ADAMTSL3: variants seen among roughly 807,000 people sequenced by gnomAD.
ADAMTSL3 encodes ADAMTS like 3.
A neutral mutation model predicts 201.7 loss-of-function variants in ADAMTSL3; 128 were observed. The ratio of observed to expected loss-of-function variants is 0.63; its 90% CI spans 0.55 to 0.73. The LOEUF (loss-of-function observed/expected upper bound fraction) is 0.73, where lower values mean the gene tolerates loss of function less well. Ranked by LOEUF, ADAMTSL3 falls within the 30% of genes least tolerant of loss-of-function variation. The pLI is 0.00. For missense variants in ADAMTSL3, 1,990 were observed against 2,119.6 expected (o/e 0.94, Z 1.20); for synonymous variants, 738 against 748.4 (o/e 0.99, Z 0.23).
At chr15:83,801,265 A>G (rs918753414) in intron 4 of ADAMTSL3, among the ~76,000 whole-genome samples, 3 of 152,134 alleles carry the variant, frequency 2.0e-5, no homozygotes, top group East Asian at 1.9e-4. Flanking sequence ...CGATTTAACT[A>G]CAAATTAGGT....
intron 2 of ADAMTSL3, among the ~76,000 whole-genome samples, chr15:83,701,555 G>A (rs73454603): frequency 0.065 from 9,971 of 152,256 alleles, 1,074 homozygotes; most frequent in African/African-American, 0.22. Flanking sequence ...GGAGAGACCC[G>A]GTGGGAGATA....
At chr15:83,699,326 T>C (rs2061734277) in intron 2 of ADAMTSL3, among the ~76,000 whole-genome samples, 1 of 152,136 alleles carries the variant, frequency 6.6e-6, no homozygotes, top group Non-Finnish European at 1.5e-5. Flanking sequence ...CTCAGGGCTA[T>C]CCATCCATTA....
chr15:83,844,236 C>A (rs903352774), intron 7 of ADAMTSL3, among the ~76,000 whole-genome samples: 3 of 152,150 alleles, frequency 2.0e-5, no homozygotes, highest in African/African-American at 7.2e-5. Flanking sequence ...CAAGTTTTGG[C>A]AGTATGAAGA....
At chr15:83,675,541 G>T (rs538769443) in intron 2 of ADAMTSL3, among the ~76,000 whole-genome samples, 1 of 148,818 alleles carries the variant, frequency 6.7e-6, no homozygotes, top group East Asian at 2.0e-4. Context: ...ATTTTGTTGA[G>T]AATTTTTGCA....
chr15:83,771,888 G>A (rs1167400832), intron 3 of ADAMTSL3, among the ~76,000 whole-genome samples: 4 of 147,932 alleles, frequency 2.7e-5, no homozygotes, highest in Admixed American at 6.8e-5. Context: ...ACAGAATCTC[G>A]CTCTGTCACC....
At chr15:84,029,023 CAATT>C (rs2141931199) in intron 27 of ADAMTSL3, among the ~76,000 whole-genome samples, 1 of 152,284 alleles carries the variant, frequency 6.6e-6, no homozygotes, top group African/African-American at 2.4e-5. Context: ...ATATGTGAGT[CAATT>C]AAACCTCTTT....
chr15:83,917,446 T>TGTAG (rs2066055737), intron 16 of ADAMTSL3, among the ~76,000 whole-genome samples: 1 of 152,014 alleles, frequency 6.6e-6, no homozygotes, highest in African/African-American at 2.4e-5. Flanking sequence ...TATGTATGTA[T>TGTAG]GTATGTATGT....
At chr15:83,964,693 A>G (rs2067043182) in intron 19 of ADAMTSL3, among the ~76,000 whole-genome samples, 1 of 152,204 alleles carries the variant, frequency 6.6e-6, no homozygotes, top group South Asian at 2.1e-4. Context: ...ATACTCCTCT[A>G]GAAGAACAAC....
At chr15:83,980,086 AT>A (rs578115094) in intron 20 of ADAMTSL3, among the ~76,000 whole-genome samples, 95 of 152,146 alleles carry the variant, frequency 6.2e-4, no homozygotes, top group Middle Eastern at 6.8e-3. Context: ...TTTGAGAGCC[AT>A]TTTTTTTAGA....
At chr15:83,851,313 G>A (rs1467700998) in intron 7 of ADAMTSL3, among the ~76,000 whole-genome samples, 2 of 152,118 alleles carry the variant, frequency 1.3e-5, no homozygotes, top group Non-Finnish European at 2.9e-5. Flanking sequence ...TATATAGTAG[G>A]CAGCTCCACC....
At chr15:83,948,689 T>G (rs1280051015) in intron 19 of ADAMTSL3, among the ~76,000 whole-genome samples, 1 of 152,168 alleles carries the variant, frequency 6.6e-6, no homozygotes, top group Non-Finnish European at 1.5e-5. Context: ...TGATCGAAGG[T>G]TGTTGATCTA....
rs2068407552 is a variant in ADAMTSL3 at position 84,031,429 on chromosome 15, A to G, written c.4751A>G (p.Lys1584Arg). 4 of 1,614,102 alleles carry G rather than the reference A, an allele frequency of 2.5e-6. No individual in the cohort carries two copies. The highest frequency in any genetic ancestry group is 3.3e-4 in the Middle Eastern group (2 of 6,060). Reference sequence around the variant, plus strand: ...TCTGACTCCAACTGTGATGACAGAAAGAGGTAGGGGCCCCACCCCAGAGCA... The same window carrying G: ...TCTGACTCCAACTGTGATGACAGAAGGAGGTAGGGGCCCCACCCCAGAGCA... ...NSSDSNCDDRKRPTLRRNCTS... is the reference protein window; with the variant it reads ...NSSDSNCDDRRRPTLRRNCTS... The change falls in exon 28 of 30, where the codon AAG becomes AGG. Residue 1584 changes from lysine (K) to arginine (R), a missense_variant. By Grantham distance (26) the Lys-to-Arg change is conservative (BLOSUM62 2). Coordinates refer to ENST00000286744, the MANE Select transcript of ADAMTSL3 (RefSeq NM_207517.3).
At chr15:83,699,139 G>A (rs2061730595) in intron 2 of ADAMTSL3, among the ~76,000 whole-genome samples, 1 of 152,104 alleles carries the variant, frequency 6.6e-6, no homozygotes, top group African/African-American at 2.4e-5. Flanking sequence ...TTATGAAAAT[G>A]TTAAGTGATG....
At chr15:83,768,345 G>A (rs748536719) in intron 3 of ADAMTSL3, among the ~76,000 whole-genome samples, 52 of 152,266 alleles carry the variant, frequency 3.4e-4, no homozygotes, top group Non-Finnish European at 6.0e-4. Flanking sequence ...ATGTGATGCT[G>A]TCTCCAGAGC....
chr15:83,913,454 C>T, intron 16 of ADAMTSL3, 76 bp downstream of exon 16: 1 of 1,457,648 alleles, frequency 6.9e-7, no homozygotes, highest in Non-Finnish European at 9.3e-7. Flanking sequence ...ATCAGGTAAG[C>T]CAAATATGCA....
chr15:83,743,622 A>G (rs2062494862), intron 3 of ADAMTSL3, among the ~76,000 whole-genome samples: 1 of 151,472 alleles, frequency 6.6e-6, no homozygotes, highest in Non-Finnish European at 1.5e-5. Flanking sequence ...TACAAGTTTG[A>G]CATTTTTGAC....
At chr15:83,943,138 G>A (rs895221638) in intron 19 of ADAMTSL3, 56 bp downstream of exon 19, 33 of 1,529,658 alleles carry the variant, frequency 2.2e-5, no homozygotes, top group Middle Eastern at 1.8e-4. Context: ...CTTTGTTTCA[G>A]CTTCTAAATA....
chr15:83,702,092 G>C (rs967119080), intron 2 of ADAMTSL3, among the ~76,000 whole-genome samples: 1 of 152,160 alleles, frequency 6.6e-6, no homozygotes, highest in Non-Finnish European at 1.5e-5. Context: ...GGTGACTCTT[G>C]TTATGTTTTG....
intron 17 of ADAMTSL3, among the ~76,000 whole-genome samples, chr15:83,929,644 G>C (rs2066314607): frequency 1.3e-5 from 2 of 151,384 alleles, no homozygotes; most frequent in Non-Finnish European, 2.9e-5. Context: ...TGTGACCCTG[G>C]ATCCAACTCT....
Sources: gnomAD v4.1 joint callset for allele counts (sites outside exome capture counted in the v4.1 genomes callset) on GRCh38, gnomAD v4.1.1 for gene constraint, MANE v1.5 for transcripts, NCBI Gene and HGNC (gene_info 2026-07-23, HGNC 2026-07-21) for gene names.